The following CHODL variants were observed in gnomAD, a reference collection of about 807,000 sequenced individuals.
The protein encoded by CHODL is transmembrane protein MT75.
In CHODL, 29 loss-of-function variants were observed where a neutral mutation model predicts 34.5. That is an observed-to-expected ratio of 0.84 (90% CI 0.63 to 1.15). The LOEUF is 1.15. Among genes scored for constraint, CHODL ranks in the 50% most tolerant of loss-of-function variants. The probability of loss-of-function intolerance (pLI) is 0.00; values close to 1 mark genes in which losing one functional copy is unlikely to be tolerated. For missense variants in CHODL, 332 were observed against 332.5 expected (o/e 1.00, Z 0.01); for synonymous variants, 125 against 116.1 (o/e 1.08, Z -0.49).
intron 2 of CHODL, among the ~76,000 whole-genome samples, chr21:18,198,628 T>C (rs908992031): frequency 1.3e-5 from 2 of 152,130 alleles, no homozygotes; most frequent in Non-Finnish European, 1.5e-5. Context: ...TTTCTGGTGG[T>C]GTTTTGTGGT....
intron 1 of CHODL, among the ~76,000 whole-genome samples, chr21:17,999,376 C>G (rs761924623): frequency 2.6e-5 from 4 of 152,222 alleles, no homozygotes; most frequent in African/African-American, 9.7e-5. Context: ...CTGTTCCAAC[C>G]TCTGCCTGTT....
At chr21:18,151,326 T>C (rs1158342837) in intron 2 of CHODL, among the ~76,000 whole-genome samples, 1 of 152,030 alleles carries the variant, frequency 6.6e-6, no homozygotes, top group Admixed American at 6.5e-5. Context: ...GTCATGCCTA[T>C]CCAGCAAAGT....
At chr21:17,917,822 A>G (rs1014310965) in intron 1 of CHODL, among the ~76,000 whole-genome samples, 8 of 151,884 alleles carry the variant, frequency 5.3e-5, no homozygotes. Flanking sequence ...TGCATGTTTT[A>G]TCTTTTTGTT....
At chr21:18,063,280 G>A (rs1688171) in intron 2 of CHODL, among the ~76,000 whole-genome samples, 54,662 of 152,074 alleles carry the variant, frequency 0.36, 12,228 homozygotes, top group Non-Finnish European at 0.51. Flanking sequence ...AGAAAAAATG[G>A]CAGAAAATGC....
At chr21:18,145,478 G>T (rs2072871206) in intron 2 of CHODL, among the ~76,000 whole-genome samples, 3 of 144,856 alleles carry the variant, frequency 2.1e-5, no homozygotes, top group South Asian at 2.2e-4. Context: ...ATATGATATT[G>T]AATTCATCTT....
chr21:17,923,821 C>A (rs1175299903), intron 1 of CHODL, among the ~76,000 whole-genome samples: 1 of 152,082 alleles, frequency 6.6e-6, no homozygotes, highest in African/African-American at 2.4e-5. Context: ...CTTAAGTAGC[C>A]CTATAATTTA....
At chr21:18,262,688 G>A in intron 4 of CHODL, 103 bp from the exon 5 acceptor site, 2 of 685,982 alleles carry the variant, frequency 2.9e-6, no homozygotes, top group Non-Finnish European at 5.1e-6. Flanking sequence ...TCAATTTATT[G>A]AAAATTCTAT....
At chr21:18,135,197 T>G (rs1164897654) in intron 2 of CHODL, among the ~76,000 whole-genome samples, 1 of 152,198 alleles carries the variant, frequency 6.6e-6, no homozygotes, top group Non-Finnish European at 1.5e-5. Context: ...AAAATTCTAT[T>G]TCATCCTGTT....
intron 1 of CHODL, among the ~76,000 whole-genome samples, chr21:17,952,113 A>C (rs568243903): frequency 2.3e-4 from 33 of 143,050 alleles, no homozygotes; most frequent in African/African-American, 8.6e-4. Flanking sequence ...AGCTACTCAG[A>C]AGGCTGAGTT....
intron 2 of CHODL, among the ~76,000 whole-genome samples, chr21:18,099,140 T>C (rs2065178871): frequency 6.6e-6 from 1 of 151,844 alleles, no homozygotes; most frequent in Non-Finnish European, 1.5e-5. Flanking sequence ...AAAAAGATGG[T>C]TAGAAAGAAT....
chr21:18,054,047 C>T (rs892304022), intron 2 of CHODL, among the ~76,000 whole-genome samples: 2 of 151,694 alleles, frequency 1.3e-5, no homozygotes, highest in African/African-American at 4.8e-5. Context: ...AAATGTGTAG[C>T]TGTGAGTATG....
At chr21:18,036,247 A>G (rs1480551734) in intron 2 of CHODL, among the ~76,000 whole-genome samples, 1 of 152,010 alleles carries the variant, frequency 6.6e-6, no homozygotes, top group Non-Finnish European at 1.5e-5. Flanking sequence ...GCTAGTAGGA[A>G]CACAAACTAT....
intron 2 of CHODL, among the ~76,000 whole-genome samples, chr21:18,199,367 CAG>C (rs906649827): frequency 1.1e-4 from 16 of 152,202 alleles, no homozygotes; most frequent in African/African-American, 3.6e-4. Flanking sequence ...GCAGATAGCA[CAG>C]AGAGAGTTTC....
intron 2 of CHODL, among the ~76,000 whole-genome samples, chr21:18,096,691 G>T (rs2065143871): frequency 6.6e-6 from 1 of 152,138 alleles, no homozygotes; most frequent in Admixed American, 6.5e-5. Flanking sequence ...GACAATGCTT[G>T]CCCAGTGGGA....
chr21:17,979,336 TTAA>T (rs2063696263), intron 1 of CHODL, among the ~76,000 whole-genome samples: 1 of 152,190 alleles, frequency 6.6e-6, no homozygotes, highest in Non-Finnish European at 1.5e-5. Flanking sequence ...GATTCCCTCT[TTAA>T]TAATTGTTTA....
intron 3 of CHODL, among the ~76,000 whole-genome samples, chr21:18,259,432 G>A (rs1345951649): frequency 6.6e-6 from 1 of 152,118 alleles, no homozygotes; most frequent in Non-Finnish European, 1.5e-5. Context: ...TCATACTTAG[G>A]TGATGGAATG....
At chr21:18,235,718 T>G (rs2074022550) in intron 2 of CHODL, among the ~76,000 whole-genome samples, 1 of 152,154 alleles carries the variant, frequency 6.6e-6, no homozygotes, top group South Asian at 2.1e-4. Context: ...CTACTAAAAC[T>G]TATTGAAAAT....
chr21:17,944,118 A>C (rs1727092823), intron 1 of CHODL, among the ~76,000 whole-genome samples: 1 of 152,022 alleles, frequency 6.6e-6, no homozygotes, highest in Admixed American at 6.5e-5. Flanking sequence ...ACCCACCCCA[A>C]CTACCCTGCC....
chr21:18,175,571 C>T (rs903613232), intron 2 of CHODL, among the ~76,000 whole-genome samples: 4 of 149,544 alleles, frequency 2.7e-5, no homozygotes, highest in African/African-American at 7.4e-5. Context: ...CCAGCCCGGG[C>T]GACAGTGCGA....
Sources: allele counts gnomAD v4.1 joint callset (sites outside exome capture counted in the v4.1 genomes callset), GRCh38; gene constraint gnomAD v4.1.1; transcripts MANE v1.5; gene names NCBI Gene and HGNC (gene_info 2026-07-23, HGNC 2026-07-21).